The following GALNT7 variants were observed in gnomAD, a reference collection of about 807,000 sequenced individuals.
GALNT7 encodes N-acetylgalactosaminyltransferase 7.
GALNT7 carries 60 observed loss-of-function variants against 82.1 expected under a neutral mutation model. The ratio of observed to expected loss-of-function variants is 0.73; its 90% CI spans 0.59 to 0.91. The LOEUF (loss-of-function observed/expected upper bound fraction) is 0.91. GALNT7 is among the 40% of genes least tolerant of loss of function. GALNT7 has a pLI of 0.00. For synonymous variants in GALNT7, 243 were observed against 275.1 expected, an observed-to-expected ratio of 0.88 and a Z score of 1.15; for missense variants, 660 against 804.2, an observed-to-expected ratio of 0.82 and a Z score of 2.17.
chr4:173,323,169 A>C lies in GALNT7; in HGVS notation c.*1452A>C, dbSNP rs758717740. The stretch of plus-strand genomic sequence containing the variant: ...CTGTGATGATGTGAGCAGAATGGCA[A>C]GTAAGTTAAGCATTTTTGATCCTGT... On this transcript the variant is annotated 3_prime_UTR_variant, in exon 12 of 12. Transcript: ENST00000265000. The C allele has an allele frequency of 6.6e-6, 1 of 152,458 alleles. No individual in the cohort carries two copies. Among genetic ancestry groups the C allele is most frequent in the Non-Finnish European group, 1.5e-5 (1 of 67,946 alleles). The allele number at this position is 152,458 out of a possible 1,614,324, so 9.4% of individuals were successfully genotyped here. A position where few individuals can be genotyped will look rare whatever the true frequency, so the allele number is the denominator to read the frequency against.
intron 1 of GALNT7, 43 bp downstream of exon 1, chr4:173,169,004 A>G (rs1308016741): frequency 6.2e-7 from 1 of 1,601,276 alleles, no homozygotes; most frequent in Non-Finnish European, 8.5e-7. Context: ...GCGACCGGCA[A>G]CTTGTTTTGT....
rs191340685 is a variant in GALNT7 at position 173,299,743 on chromosome 4, G to C, written c.1148+1446G>C. 3.7e-3 allele frequency among the ~76,000 whole-genome samples: 565 copies of C among 152,210 alleles called. 1 individual carries two copies. Among genetic ancestry groups the C allele is most frequent in the Non-Finnish European group, 5.7e-3 (388 of 68,012 alleles). On this transcript the variant is annotated intron_variant, in intron 6 of 11. Coordinates refer to ENST00000265000, the MANE Select transcript of GALNT7 (RefSeq NM_017423.3). ...TGCCTGTAATCCCAGCTACTTGGGA[G>C]GCTGAGGCAGGAGAATCGCTTGAAC...
chr4:173,316,856 T>A (rs906487488), intron 9 of GALNT7: 3 of 152,272 alleles, frequency 2.0e-5, no homozygotes, highest in African/African-American at 7.2e-5. Flanking sequence ...GGTGAGCAGC[T>A]CTTCCTCTGT....
intron 1 of GALNT7, among the ~76,000 whole-genome samples, chr4:173,199,267 T>C (rs918185976): frequency 1.3e-5 from 2 of 152,266 alleles, no homozygotes; most frequent in Middle Eastern, 3.4e-3. Flanking sequence ...TAGCATGTTG[T>C]AGTGGCTGAG....
intron 8 of GALNT7, among the ~76,000 whole-genome samples, chr4:173,313,082 T>TA (rs1737450286): frequency 1.3e-5 from 2 of 151,860 alleles, no homozygotes; most frequent in South Asian, 2.1e-4. Flanking sequence ...TTTTTTAAAT[T>TA]AAAGAAAGGA....
chr4:173,169,859 G>C (rs1731795417), intron 1 of GALNT7, among the ~76,000 whole-genome samples: 1 of 151,954 alleles, frequency 6.6e-6, no homozygotes, highest in South Asian at 2.1e-4. Flanking sequence ...GTCGGCGCCC[G>C]GCCGCCCCGC....
intron 2 of GALNT7, among the ~76,000 whole-genome samples, chr4:173,283,181 C>T (rs576408821): frequency 6.6e-6 from 1 of 152,330 alleles, no homozygotes; most frequent in East Asian, 1.9e-4. Flanking sequence ...TCCAGTCCTC[C>T]TTTTTGTTAA....
At chr4:173,286,039 T>G (rs1274620958) in intron 2 of GALNT7, among the ~76,000 whole-genome samples, 2 of 152,084 alleles carry the variant, frequency 1.3e-5, no homozygotes, top group African/African-American at 2.4e-5. Flanking sequence ...ACAAAAAACC[T>G]TTTCCAGAAA....
intron 2 of GALNT7, among the ~76,000 whole-genome samples, chr4:173,284,271 C>T (rs1262296066): frequency 2.0e-5 from 3 of 152,114 alleles, no homozygotes; most frequent in African/African-American, 7.2e-5. Flanking sequence ...AATAAGACAA[C>T]AATTGTCTGT....
At chr4:173,207,777 G>A (rs1733145574) in intron 1 of GALNT7, among the ~76,000 whole-genome samples, 1 of 152,146 alleles carries the variant, frequency 6.6e-6, no homozygotes, top group African/African-American at 2.4e-5. Flanking sequence ...GGATCAAAAA[G>A]TATGCAAAAT....
chr4:173,223,054 A>C (rs1257075106), intron 1 of GALNT7, among the ~76,000 whole-genome samples: 1 of 152,184 alleles, frequency 6.6e-6, no homozygotes, highest in Admixed American at 6.5e-5. Context: ...GCACTTCTCT[A>C]CATTAATTCT....
At chr4:173,305,197 G>A (rs1410343615) in intron 8 of GALNT7, among the ~76,000 whole-genome samples, 8 of 152,230 alleles carry the variant, frequency 5.3e-5, no homozygotes, top group African/African-American at 1.9e-4. Context: ...TAATGATGTT[G>A]AGCATTTCTT....
chr4:173,224,994 G>A (rs556322026), intron 1 of GALNT7, among the ~76,000 whole-genome samples: 1 of 148,636 alleles, frequency 6.7e-6, no homozygotes, highest in Non-Finnish European at 1.5e-5. Context: ...TAGCCTGGAC[G>A]ACAGAGCGAG....
At chr4:173,208,929 T>C (rs1219243967) in intron 1 of GALNT7, among the ~76,000 whole-genome samples, 3 of 152,258 alleles carry the variant, frequency 2.0e-5, no homozygotes, top group Admixed American at 6.5e-5. Flanking sequence ...TTAGTACTTT[T>C]GTGAATTACT....
chr4:173,215,791 T>G (rs540042604), intron 1 of GALNT7, among the ~76,000 whole-genome samples: 14 of 152,226 alleles, frequency 9.2e-5, no homozygotes, highest in Admixed American at 4.6e-4. Context: ...GAACTACATT[T>G]TTACAAATAC....
chr4:173,240,999 G>A (rs568898008), intron 1 of GALNT7, among the ~76,000 whole-genome samples: 12 of 152,120 alleles, frequency 7.9e-5, no homozygotes, highest in Non-Finnish European at 1.2e-4. Flanking sequence ...CTTGGAGCAG[G>A]CATCAGAACA....
chr4:173,282,872 T>C (rs1736164026), intron 2 of GALNT7, among the ~76,000 whole-genome samples: 1 of 152,242 alleles, frequency 6.6e-6, no homozygotes, highest in Non-Finnish European at 1.5e-5. Context: ...GGCTTGGCTT[T>C]GGTTAGCTTC....
intron 2 of GALNT7, among the ~76,000 whole-genome samples, chr4:173,271,053 G>GA (rs1392229846): frequency 6.6e-6 from 1 of 152,212 alleles, no homozygotes; most frequent in Non-Finnish European, 1.5e-5. Flanking sequence ...ATCAAAATGA[G>GA]AATGGGTATA....
chr4:173,307,285 G>C (rs565529737), intron 8 of GALNT7, among the ~76,000 whole-genome samples: 28 of 152,344 alleles, frequency 1.8e-4, no homozygotes, highest in African/African-American at 6.5e-4. Flanking sequence ...CATGAGTGGA[G>C]AGACTATGGC....
Sources: allele counts gnomAD v4.1 joint callset (sites outside exome capture counted in the v4.1 genomes callset), GRCh38; gene constraint gnomAD v4.1.1; transcripts MANE v1.5; gene names NCBI Gene and HGNC (gene_info 2026-07-23, HGNC 2026-07-21).